Variants in SLC30A7 observed in about 807,000 individuals in gnomAD.
SLC30A7 encodes the protein solute carrier family 30 member 7.
In SLC30A7, 35 loss-of-function variants were observed where a neutral mutation model predicts 46.0. The observed-to-expected ratio is 0.76, with a 90% CI of 0.58 to 1.01. The LOEUF (loss-of-function observed/expected upper bound fraction) is 1.01. Among genes scored for constraint, SLC30A7 ranks in the 50% least tolerant of loss-of-function variants. The pLI, the probability that SLC30A7 is intolerant of heterozygous loss-of-function variation, is 0.00. For synonymous variants in SLC30A7, 147 were observed against 157.8 expected, an observed-to-expected ratio of 0.93 and a Z score of 0.51; for missense variants, 464 against 451.1, an observed-to-expected ratio of 1.03 and a Z score of -0.26.
chr1:100,897,794 G>A (rs1206707844), intron 2 of SLC30A7, among the ~76,000 whole-genome samples: 1 of 151,938 alleles, frequency 6.6e-6, no homozygotes, highest in African/African-American at 2.4e-5. Context: ...TCAACAGTTG[G>A]GTATAAAGGC....
At position 100,980,205 on chromosome 1, in the gene SLC30A7, A is replaced by T. The variant is rs1656843119; in HGVS notation, c.*5348A>T. 1 of 152,150 alleles carries T rather than the reference A, an allele frequency of 6.6e-6. No individual in the cohort carries two copies. The highest frequency in any genetic ancestry group is 2.1e-4 in the South Asian group (1 of 4,828). 9.4% of individuals were successfully genotyped at this position (152,150 alleles called of 1,614,324 possible). A position where few individuals can be genotyped will look rare whatever the true frequency, so the allele number is the denominator to read the frequency against. On this transcript the variant is annotated 3_prime_UTR_variant, in exon 11 of 11. Coordinates refer to ENST00000357650, the MANE Select transcript of SLC30A7 (RefSeq NM_133496.5). ...AAGAGAGAAACTGAATTTCTATCCA[A>T]GAGACCTTAATTTAGTTTATTAGGG...
intron 10 of SLC30A7, among the ~76,000 whole-genome samples, chr1:100,970,916 C>T (rs1447515348): frequency 6.6e-6 from 1 of 152,016 alleles, no homozygotes; most frequent in African/African-American, 2.4e-5. Context: ...GGGTTTATTA[C>T]CATTATCAGT....
chr1:100,906,301 A>C (rs1651665708), intron 2 of SLC30A7, among the ~76,000 whole-genome samples: 1 of 151,906 alleles, frequency 6.6e-6, no homozygotes, highest in East Asian at 1.9e-4. Flanking sequence ...CTTGGTGGGG[A>C]GGGTGGGACT....
downstream of SLC30A7, among the ~76,000 whole-genome samples, chr1:100,986,054 A>G (rs1340726800): frequency 9.2e-5 from 14 of 152,254 alleles, no homozygotes; most frequent in Admixed American, 5.9e-4. Context: ...ATGGTGAATA[A>G]GCACATGAAA....
chr1:100,962,061 C>T, intron 9 of SLC30A7, 143 bp downstream of exon 9: 1 of 498,348 alleles, frequency 2.0e-6, no homozygotes, highest in East Asian at 3.2e-5. Context: ...GTCATTTATA[C>T]AAACCAGAAT....
chr1:100,903,104 A>T (rs1485802256), intron 2 of SLC30A7, among the ~76,000 whole-genome samples: 1 of 152,172 alleles, frequency 6.6e-6, no homozygotes, highest in African/African-American at 2.4e-5. Context: ...AACCATACCT[A>T]GGGAGGAAAA....
At position 100,944,918 on chromosome 1, in the gene SLC30A7, G is replaced by A. The variant is rs540940031; in HGVS notation, c.843-16910G>A. Reference sequence around the variant, plus strand: ...ACACTCCCACCAACAGTGTAAAAGCGTTCCTATTTCTCCACAACCTCTCCA... The same window carrying A: ...ACACTCCCACCAACAGTGTAAAAGCATTCCTATTTCTCCACAACCTCTCCA... On this transcript the variant is annotated intron_variant, in intron 8 of 10. Transcript: ENST00000357650. Among the ~76,000 whole-genome samples the A allele has an allele frequency of 1.4e-4, 22 of 152,200 alleles. No homozygotes were observed. The South Asian group carries it at 1.7e-3, about 11-fold the overall frequency.
At chr1:100,950,626 C>G (rs1380481523) in intron 8 of SLC30A7, among the ~76,000 whole-genome samples, 1 of 152,154 alleles carries the variant, frequency 6.6e-6, no homozygotes, top group Non-Finnish European at 1.5e-5. Context: ...TGAGCTTTTG[C>G]ATTTTTTTCT....
chr1:100,933,603 TC>T (rs1455904437), intron 8 of SLC30A7, among the ~76,000 whole-genome samples: 1 of 152,106 alleles, frequency 6.6e-6, no homozygotes, highest in Non-Finnish European at 1.5e-5. Context: ...TGTGTGATGT[TC>T]CCCTTCCTGT....
At chr1:100,957,324 A>G (rs1213262626) in intron 8 of SLC30A7, among the ~76,000 whole-genome samples, 1 of 152,224 alleles carries the variant, frequency 6.6e-6, no homozygotes, top group African/African-American at 2.4e-5. Context: ...TTCTATCATG[A>G]TAGAATAAAT....
At chr1:100,960,247 A>C (rs935588145) in intron 8 of SLC30A7, among the ~76,000 whole-genome samples, 6 of 152,128 alleles carry the variant, frequency 3.9e-5, no homozygotes, top group Non-Finnish European at 8.8e-5. Context: ...CTATTTGCTT[A>C]ATTTTCCTAT....
At position 100,975,322 on chromosome 1, in the gene SLC30A7, T is replaced by C. The variant is rs1656404181; in HGVS notation, c.*465T>C. The C allele has an allele frequency of 6.5e-6, 1 of 153,104 alleles. No homozygotes were observed. Among genetic ancestry groups the C allele is most frequent in the Admixed American group, 6.5e-5 (1 of 15,276 alleles). The allele number at this position is 153,104 out of a possible 1,614,324, so 9.5% of individuals were successfully genotyped here. On this transcript the variant is annotated 3_prime_UTR_variant, in exon 11 of 11. Transcript: ENST00000357650. ...CCCACAAAACCAGTATTACTTTTTT[T>C]TAAAAAAAGAAAGAAATTGGAAATC...
At chr1:100,967,457 A>G (rs1352421102) in intron 10 of SLC30A7, among the ~76,000 whole-genome samples, 2 of 152,160 alleles carry the variant, frequency 1.3e-5, no homozygotes, top group Non-Finnish European at 2.9e-5. Flanking sequence ...CTAACAGACC[A>G]TGGACCAGTA....
intron 8 of SLC30A7, among the ~76,000 whole-genome samples, chr1:100,947,933 G>A (rs773087459): frequency 5.9e-5 from 9 of 151,632 alleles, no homozygotes; most frequent in Non-Finnish European, 1.0e-4. Flanking sequence ...ACTTTGAGCC[G>A]ATATGTGTCT....
In SLC30A7 at chr1:100,905,724, A is replaced by T. The variant is rs118159804; in HGVS notation, c.183-1128A>T. On this transcript the variant is annotated intron_variant, in intron 2 of 10. Coordinates refer to ENST00000357650, the MANE Select transcript of SLC30A7 (RefSeq NM_133496.5). ...GTTATTCCTCCATATTGTAATTTTT[A>T]AAAAATTATCATTTCCATTATATTC... 3.3e-4 allele frequency among the ~76,000 whole-genome samples: 50 copies of T among 152,254 alleles called. 1 individual carries two copies. In the East Asian group the frequency reaches 9.1e-3, roughly 28 times the overall value.
intron 8 of SLC30A7, among the ~76,000 whole-genome samples, chr1:100,940,773 T>C (rs1481333151): frequency 6.6e-6 from 1 of 152,256 alleles, no homozygotes; most frequent in Non-Finnish European, 1.5e-5. Flanking sequence ...GTGGACTGTT[T>C]TACACTTTCC....
Position 100,965,772 on chromosome 1 carries a change from C to T in SLC30A7, c.937C>T (p.Gln313Ter). The change falls in exon 10 of 11, where the codon CAG becomes TAG. Residue 313 changes from glutamine (Q) to a stop codon, truncating the protein, a stop_gained. Coordinates refer to ENST00000357650, the MANE Select transcript of SLC30A7 (RefSeq NM_133496.5). LOFTEE classifies it high-confidence loss of function. ...ATATCTCTCCTTTATATTTCAGGTA[C>T]AGCAGTTGCAAGGAGTTTACAGTTT... The part of the protein sequence containing the change: ...NSLPQCYQRV[Q>*]QLQGVYSLQE... 6.2e-7 allele frequency: 1 copy of T among 1,612,968 alleles called. No homozygotes were observed. Among genetic ancestry groups the T allele is most frequent in the Non-Finnish European group, 8.5e-7 (1 of 1,179,092 alleles).
chr1:100,900,316 G>A (rs1423235887), intron 2 of SLC30A7, among the ~76,000 whole-genome samples: 1 of 152,154 alleles, frequency 6.6e-6, no homozygotes, highest in African/African-American at 2.4e-5. Flanking sequence ...TAATGTCTTT[G>A]TGTTAACAAA....
intron 6 of SLC30A7, among the ~76,000 whole-genome samples, chr1:100,915,249 C>CTTTCT (rs1414891931): frequency 2.5e-4 from 24 of 97,916 alleles, no homozygotes; most frequent in Admixed American, 7.6e-4. Context: ...TTCTTTCTTT[C>CTTTCT]TTTCTTCCTT....
Sources: gnomAD v4.1 joint callset for allele counts (sites outside exome capture counted in the v4.1 genomes callset) on GRCh38, gnomAD v4.1.1 for gene constraint, MANE v1.5 for transcripts, NCBI Gene and HGNC (gene_info 2026-07-23, HGNC 2026-07-21) for gene names.